Variants in IL1RAPL1 observed in about 807,000 individuals in gnomAD.
IL1RAPL1 encodes interleukin 1 receptor accessory protein like 1.
Under a neutral mutation model 48.4 loss-of-function variants are expected in IL1RAPL1, and 3 were observed. That is an observed-to-expected ratio of 0.06 (90% CI 0.03 to 0.16). The LOEUF is 0.16. IL1RAPL1 is among the 10% of genes least tolerant of loss of function. IL1RAPL1 has a pLI of 1.00. For missense variants in IL1RAPL1, 349 were observed against 530.6 expected (o/e 0.66, Z 3.36); for synonymous variants, 185 against 187.7 (o/e 0.99, Z 0.12).
At chrX:29,228,178 GCACACACACACACACACACACACA>G (rs35435025) in intron 2 of IL1RAPL1, among the ~76,000 whole-genome samples, 3 of 84,387 alleles carry the variant, frequency 3.6e-5, no homozygotes, top group Admixed American at 1.3e-4. Context: ...ACACACGCGT[GCACACACACACACACACACACACA>G]CACACACACA....
At chrX:29,467,496 C>CA (rs1466938375) in intron 5 of IL1RAPL1, among the ~76,000 whole-genome samples, 1 of 112,463 alleles carries the variant, frequency 8.9e-6, no homozygotes, top group Non-Finnish European at 1.9e-5. Context: ...CTGCAGCACT[C>CA]AAACCCCTTG....
chrX:29,544,210 G>A (rs746969090), intron 5 of IL1RAPL1, among the ~76,000 whole-genome samples: 1 of 111,653 alleles, frequency 9.0e-6, no homozygotes, highest in South Asian at 3.7e-4. Context: ...TGGGAATTTG[G>A]TTTAAACCAG....
intron 2 of IL1RAPL1, among the ~76,000 whole-genome samples, chrX:28,866,208 T>C (rs1425678541): frequency 8.9e-6 from 1 of 112,527 alleles, no homozygotes; most frequent in Non-Finnish European, 1.9e-5. Context: ...TAAAAAGGAA[T>C]GAATTAATGG....
chrX:29,480,805 T>C (rs781259633), intron 5 of IL1RAPL1, among the ~76,000 whole-genome samples: 26 of 111,546 alleles, frequency 2.3e-4, no homozygotes, highest in Middle Eastern at 4.8e-3. Flanking sequence ...TAGTACATAA[T>C]AGTTAATGTT....
intron 2 of IL1RAPL1, among the ~76,000 whole-genome samples, chrX:29,076,318 C>T (rs1279934649): frequency 9.0e-6 from 1 of 111,383 alleles, no homozygotes; most frequent in African/African-American, 3.3e-5. Context: ...TTCAGGATAC[C>T]ACAGGAGAAA....
intron 1 of IL1RAPL1, among the ~76,000 whole-genome samples, chrX:28,673,383 T>C (rs1359923100): frequency 9.0e-6 from 1 of 111,640 alleles, no homozygotes; most frequent in Non-Finnish European, 1.9e-5. Flanking sequence ...AACCCAAAAC[T>C]ATAAAAACCC....
chrX:29,614,123 A>G (rs773875443), intron 5 of IL1RAPL1, among the ~76,000 whole-genome samples: 1 of 111,457 alleles, frequency 9.0e-6, no homozygotes, highest in South Asian at 3.8e-4. Flanking sequence ...GTCCTCTGGT[A>G]TACTCAAAAT....
At chrX:28,663,161 AC>A (rs1187680503) in intron 1 of IL1RAPL1, among the ~76,000 whole-genome samples, 1 of 112,136 alleles carries the variant, frequency 8.9e-6, no homozygotes, top group Non-Finnish European at 1.9e-5. Flanking sequence ...AGCAGGTCTT[AC>A]CCCCGCCTAG....
chrX:29,399,075 C>A, intron 4 of IL1RAPL1, 80 bp from the exon 5 acceptor site: 1 of 783,139 alleles, frequency 1.3e-6, no homozygotes. Flanking sequence ...ATTTTAGAAG[C>A]TTTTGTTTTA....
Position 29,006,647 on chromosome X carries a change from A to ATGTGTGTGTG in IL1RAPL1, c.82+217260_82+217269dup, listed in dbSNP as rs547186942. On this transcript the variant is annotated intron_variant, in intron 2 of 10. Transcript: ENST00000378993. ...CCCACATTTGTGTGTGTTTATATAT[A>ATGTGTGTGTG]TGTGTGTGTGTGTGTGTGTGTGTGT... Among the ~76,000 whole-genome samples, 375 of 76,907 alleles carry ATGTGTGTGTG rather than the reference A, an allele frequency of 4.9e-3. 8 individuals are homozygous for ATGTGTGTGTG. Among genetic ancestry groups the ATGTGTGTGTG allele is most frequent in the Admixed American group, 0.014 (84 of 6,057 alleles). 66.8% of individuals were successfully genotyped at this position (76,907 alleles called of 115,157 possible).
chrX:29,707,769 C>T (rs1049914646), intron 6 of IL1RAPL1, among the ~76,000 whole-genome samples: 7 of 110,286 alleles, frequency 6.3e-5, no homozygotes, highest in Non-Finnish European at 1.1e-4. Context: ...ATACATTGGA[C>T]TTTGGGGACT....
At chrX:28,934,270 A>G (rs1322268459) in intron 2 of IL1RAPL1, among the ~76,000 whole-genome samples, 1 of 111,519 alleles carries the variant, frequency 9.0e-6, no homozygotes, top group African/African-American at 3.3e-5. Flanking sequence ...CTTTCAGTAC[A>G]GTTCATTACC....
intron 3 of IL1RAPL1, among the ~76,000 whole-genome samples, chrX:29,308,988 A>C: frequency 8.9e-6 from 1 of 112,331 alleles, no homozygotes; most frequent in East Asian, 2.8e-4. Context: ...TTTATCTTAA[A>C]CACCAGCAAA....
intron 2 of IL1RAPL1, among the ~76,000 whole-genome samples, chrX:29,034,788 T>C (rs987851115): frequency 1.8e-5 from 2 of 111,774 alleles, no homozygotes; most frequent in African/African-American, 6.5e-5. Flanking sequence ...TCTTCACCAG[T>C]GTTTTTAATT....
intron 1 of IL1RAPL1, among the ~76,000 whole-genome samples, chrX:28,604,537 G>T (rs1490465648): frequency 9.1e-6 from 1 of 109,526 alleles, no homozygotes; most frequent in Non-Finnish European, 1.9e-5. Flanking sequence ...GACCATCCTG[G>T]CCAACATGGT....
At chrX:28,965,036 C>A (rs1193660013) in intron 2 of IL1RAPL1, among the ~76,000 whole-genome samples, 1 of 111,405 alleles carries the variant, frequency 9.0e-6, no homozygotes, top group Non-Finnish European at 1.9e-5. Flanking sequence ...TACACACACA[C>A]ACATAGACAC....
chrX:28,593,686 C>T (rs983693503), intron 1 of IL1RAPL1, among the ~76,000 whole-genome samples: 3 of 111,167 alleles, frequency 2.7e-5, no homozygotes, highest in Admixed American at 9.6e-5. Context: ...TTTACTCTTT[C>T]GATGTTTATT....
At chrX:29,712,143 T>G (rs1927370242) in intron 6 of IL1RAPL1, among the ~76,000 whole-genome samples, 1 of 110,361 alleles carries the variant, frequency 9.1e-6, no homozygotes, top group Non-Finnish European at 1.9e-5. Flanking sequence ...GGATTTATTT[T>G]TCCATTGGCT....
chrX:29,681,782 G>A (rs1382876409), intron 6 of IL1RAPL1, among the ~76,000 whole-genome samples: 2 of 111,548 alleles, frequency 1.8e-5, no homozygotes, highest in African/African-American at 3.3e-5. Flanking sequence ...CATCAGAGTC[G>A]AGAGTTGGGA....
Sources: allele counts gnomAD v4.1 joint callset (sites outside exome capture counted in the v4.1 genomes callset), GRCh38; gene constraint gnomAD v4.1.1; transcripts MANE v1.5; gene names NCBI Gene and HGNC (gene_info 2026-07-23, HGNC 2026-07-21).